Variants in ATF7 observed in about 807,000 individuals in gnomAD.
ATF7 encodes the protein cyclic AMP-dependent transcription factor ATF-7.
ATF7 carries 10 observed loss-of-function variants against 50.4 expected under a neutral mutation model. The ratio of observed to expected loss-of-function variants is 0.20; its 90% CI spans 0.12 to 0.34. The LOEUF is 0.34. Ranked by LOEUF, ATF7 falls within the 10% of genes least tolerant of loss-of-function variation. ATF7 has a pLI of 1.00. For missense variants in ATF7, 465 were observed against 613.9 expected, an observed-to-expected ratio of 0.76 and a Z score of 2.56; for synonymous variants, 201 against 226.4, an observed-to-expected ratio of 0.89 and a Z score of 1.01.
At chr12:53,622,031 T>C (rs1944402479) in intron 1 of ATF7, among the ~76,000 whole-genome samples, 1 of 152,144 alleles carries the variant, frequency 6.6e-6, no homozygotes, top group African/African-American at 2.4e-5. Flanking sequence ...CTGGGCTCAG[T>C]GGCTCATGCC....
In ATF7 at chr12:53,587,366, CAAA is replaced by C. The variant is rs55904354; in HGVS notation, c.48+13584_48+13586del. On this transcript the variant is annotated intron_variant, in intron 2 of 11. Transcript: ENST00000420353. ...TGGGTGACAGAGCGAAATTCCGCAT[CAAA>C]AAAAAAAAAAAAAAGAAGGAAAACG... 6.7e-4 allele frequency among the ~76,000 whole-genome samples: 42 copies of C among 62,264 alleles called. 4 individuals carry two copies. The highest frequency in any genetic ancestry group is 5.4e-3 in the Admixed American group (23 of 4,238). 40.8% of individuals were successfully genotyped at this position (62,264 alleles called of 152,430 possible). A position where few individuals can be genotyped will look rare whatever the true frequency, so the allele number is the denominator to read the frequency against.
intron 4 of ATF7, among the ~76,000 whole-genome samples, chr12:53,540,207 C>T (rs1367356152): frequency 2.0e-5 from 3 of 151,776 alleles, no homozygotes; most frequent in African/African-American, 7.3e-5. Flanking sequence ...AAAAATTAGC[C>T]AGGCATGGTG....
At chr12:53,582,179 A>T (rs556439525) in intron 2 of ATF7, among the ~76,000 whole-genome samples, 2 of 152,028 alleles carry the variant, frequency 1.3e-5, no homozygotes, top group African/African-American at 4.8e-5. Flanking sequence ...AAATAAAAAA[A>T]TTAGCTGAGC....
chr12:53,608,443 T>C (rs1294041024), intron 1 of ATF7, among the ~76,000 whole-genome samples: 1 of 152,162 alleles, frequency 6.6e-6, no homozygotes, highest in Non-Finnish European at 1.5e-5. Flanking sequence ...AACTCGTTTA[T>C]AAACACACAA....
chr12:53,593,733 A>G (rs1350837209), intron 2 of ATF7, among the ~76,000 whole-genome samples: 1 of 152,230 alleles, frequency 6.6e-6, no homozygotes, highest in African/African-American at 2.4e-5. Flanking sequence ...TTTTAGAAAT[A>G]AATCTATGAC....
At chr12:53,517,444 A>G in intron 11 of ATF7, 90 bp from the exon 12 acceptor site, 1 of 1,296,350 alleles carries the variant, frequency 7.7e-7, no homozygotes, top group Non-Finnish European at 1.1e-6. Flanking sequence ...ATAATTCTAA[A>G]GGAGCCCAAA....
intron 2 of ATF7, among the ~76,000 whole-genome samples, chr12:53,565,752 C>G (rs1362302820): frequency 2.6e-5 from 4 of 152,172 alleles, no homozygotes; most frequent in African/African-American, 9.7e-5. Context: ...CTCAGCTTCC[C>G]AAAGTGCTGG....
At chr12:53,596,486 T>C (rs1269404441) in intron 2 of ATF7, among the ~76,000 whole-genome samples, 2 of 152,204 alleles carry the variant, frequency 1.3e-5, no homozygotes, top group African/African-American at 2.4e-5. Flanking sequence ...GTTCAAACAC[T>C]TGATTATGGT....
chr12:53,562,760 G>A (rs1055041615), intron 2 of ATF7, among the ~76,000 whole-genome samples: 1 of 152,166 alleles, frequency 6.6e-6, no homozygotes, highest in East Asian at 1.9e-4. Context: ...CAGAGGCTGG[G>A]CCCAGTCAGG....
In ATF7 at chr12:53,514,353, G is replaced by A. The variant is rs539429463; in HGVS notation, c.*2784C>T. ...CCTTTCTGAAAGTGTCCTCCCTTAG[G>A]CCTCTAGAAACGCCATGGACTTTAG... On this transcript the variant is annotated 3_prime_UTR_variant, in exon 12 of 12. Transcript: ENST00000420353. 1.3e-5 allele frequency: 2 copies of A among 152,272 alleles called. No homozygotes were observed. The highest frequency in any genetic ancestry group is 2.1e-4 in the South Asian group (1 of 4,826). 9.4% of individuals were successfully genotyped at this position (152,272 alleles called of 1,614,324 possible).
At chr12:53,608,274 T>G (rs1485234716) in intron 1 of ATF7, among the ~76,000 whole-genome samples, 2 of 150,474 alleles carry the variant, frequency 1.3e-5, no homozygotes, top group African/African-American at 2.4e-5. Context: ...GGTCCATATC[T>G]GCCTATTCTA....
chr12:53,528,431 C>A (rs1565922868), intron 9 of ATF7, among the ~76,000 whole-genome samples: 1 of 151,888 alleles, frequency 6.6e-6, no homozygotes. Flanking sequence ...AGTTTGAGAC[C>A]AGCCTGGGCA....
At chr12:53,560,616 C>A (rs536667117) in intron 2 of ATF7, among the ~76,000 whole-genome samples, 1 of 152,146 alleles carries the variant, frequency 6.6e-6, no homozygotes, top group Non-Finnish European at 1.5e-5. Context: ...CCACAGCACC[C>A]GTTTTCATGA....
At position 53,517,171 on chromosome 12, in the gene ATF7, A is replaced by G. The variant is rs1280164795; in HGVS notation, c.1418T>C (p.Ile473Thr). The G allele has an allele frequency of 6.2e-7, 1 of 1,613,600 alleles. No homozygotes were observed. Among genetic ancestry groups the G allele is most frequent in the Admixed American group, 1.7e-5 (1 of 60,028 alleles). The change falls in exon 12 of 12, where the codon ATC (isoleucine) becomes ACC (threonine). Residue 473 changes from isoleucine (I) to threonine (T), a missense_variant. Physicochemically the swap from Ile to Thr is moderately conservative, Grantham distance 89. Coordinates refer to ENST00000420353, the MANE Select transcript of ATF7 (RefSeq NM_006856.3). Reference sequence around the variant, plus strand: ...CGCAGACTGGGACTGTGGGGTCATGATTACATGCGATTGTATCGGCATGCT... The same window carrying G: ...CGCAGACTGGGACTGTGGGGTCATGGTTACATGCGATTGTATCGGCATGCT... ...ELSMPIQSHV[I>T]MTPQSQSAGR is the part of the protein sequence containing the mutation.
chr12:53,576,552 A>G (rs1032434521), intron 2 of ATF7, among the ~76,000 whole-genome samples: 5 of 152,222 alleles, frequency 3.3e-5, no homozygotes, highest in African/African-American at 1.2e-4. Flanking sequence ...ATGTGAGGAC[A>G]CAGAGCTCCT....
At chr12:53,621,788 CA>C (rs559780353) in intron 1 of ATF7, among the ~76,000 whole-genome samples, 13,182 of 81,598 alleles carry the variant, frequency 0.16, 356 homozygotes, top group Admixed American at 0.2. Flanking sequence ...GACTCTGTCT[CA>C]AAAAAAAAAA....
chr12:53,540,359 A>AG (rs1489150129), intron 4 of ATF7, among the ~76,000 whole-genome samples: 3 of 151,672 alleles, frequency 2.0e-5, no homozygotes, highest in Admixed American at 1.3e-4. Flanking sequence ...TCTCAAAAAA[A>AG]AAAAAAAAGA....
chr12:53,519,501 A>G (rs74089608), intron 11 of ATF7, among the ~76,000 whole-genome samples: 6,391 of 152,180 alleles, frequency 0.042, 378 homozygotes, highest in African/African-American at 0.13. Context: ...CAAGAATTGG[A>G]GACTAGCCTG....
chr12:53,596,263 G>T (rs994994485), intron 2 of ATF7, among the ~76,000 whole-genome samples: 2 of 152,162 alleles, frequency 1.3e-5, no homozygotes, highest in Admixed American at 1.3e-4. Context: ...TCGCGCCACT[G>T]CACTCTAGCC....
Sources: allele counts gnomAD v4.1 joint callset (sites outside exome capture counted in the v4.1 genomes callset), GRCh38; gene constraint gnomAD v4.1.1; transcripts MANE v1.5; gene names NCBI Gene and HGNC (gene_info 2026-07-23, HGNC 2026-07-21).